RGS7BP: variants seen among roughly 807,000 people sequenced by gnomAD.
RGS7BP encodes the protein regulator of G protein signaling 7-binding protein.
In RGS7BP, 9 loss-of-function variants were observed where a neutral mutation model predicts 31.3. That is an observed-to-expected ratio of 0.29 (90% CI 0.17 to 0.50). The LOEUF is 0.50. Among genes scored for constraint, RGS7BP ranks in the 20% least tolerant of loss-of-function variants. The pLI is 0.98. For missense variants in RGS7BP, 274 were observed against 322.0 expected (o/e 0.85, Z 1.14); for synonymous variants, 115 against 120.1 (o/e 0.96, Z 0.28).
intron 2 of RGS7BP, among the ~76,000 whole-genome samples, chr5:64,542,406 T>C (rs1741549248): frequency 6.6e-6 from 1 of 152,236 alleles, no homozygotes; most frequent in African/African-American, 2.4e-5. Context: ...CAGTTTTATA[T>C]TCCTTCAGTT....
chr5:64,602,627 G>A (rs1364912742), intron 5 of RGS7BP, among the ~76,000 whole-genome samples: 1 of 152,110 alleles, frequency 6.6e-6, no homozygotes, highest in Non-Finnish European at 1.5e-5. Context: ...AATCACCTAG[G>A]AAACTTTTCC....
At chr5:64,540,037 T>G (rs1741486604) in intron 2 of RGS7BP, among the ~76,000 whole-genome samples, 1 of 152,130 alleles carries the variant, frequency 6.6e-6, no homozygotes, top group Admixed American at 6.5e-5. Context: ...TTAGAAAATT[T>G]TAAAAATTAA....
rs114412100 is a variant in RGS7BP at position 64,559,275 on chromosome 5, G to A, written c.333-16499G>A. On this transcript the variant is annotated intron_variant, in intron 2 of 5. Transcript: ENST00000334025. Reference sequence around the variant, plus strand: ...ACTCTTTCCCTTTATTTCTCAGAGCGGCCGACACTTATGGAAAATAGAAAA... The same window carrying A: ...ACTCTTTCCCTTTATTTCTCAGAGCAGCCGACACTTATGGAAAATAGAAAA... Among the ~76,000 whole-genome samples, 966 of 152,114 alleles carry A rather than the reference G, an allele frequency of 6.4e-3. 9 individuals are homozygous for A. Among genetic ancestry groups the A allele is most frequent in the African/African-American group, 0.019 (802 of 41,506 alleles).
chr5:64,568,045 T>C (rs1043905594), intron 2 of RGS7BP, among the ~76,000 whole-genome samples: 1 of 151,940 alleles, frequency 6.6e-6, no homozygotes, highest in Non-Finnish European at 1.5e-5. Flanking sequence ...TTCAAGTATA[T>C]GTAGCTCTCT....
intron 3 of RGS7BP, among the ~76,000 whole-genome samples, chr5:64,581,006 G>C (rs1742582785): frequency 6.6e-6 from 1 of 151,852 alleles, no homozygotes; most frequent in Non-Finnish European, 1.5e-5. Context: ...TTGAGCCCAG[G>C]AATTTGAGAC....
rs114860989 is a variant in RGS7BP at position 64,584,887 on chromosome 5, G to A, written c.463+8983G>A. Among the ~76,000 whole-genome samples the A allele has an allele frequency of 7.3e-3, 1,116 of 152,102 alleles. 9 individuals are homozygous for A. The highest frequency in any genetic ancestry group is 0.011 in the Non-Finnish European group (726 of 67,990). ...ACCTTTGAAACTGCTTTTTAATATGGGTAAATGACTAACTGAATTAATATA... is the reference window on the plus strand; with the variant it reads ...ACCTTTGAAACTGCTTTTTAATATGAGTAAATGACTAACTGAATTAATATA... On this transcript the variant is annotated intron_variant, in intron 3 of 5. Transcript: ENST00000334025.
Position 64,598,373 on chromosome 5 carries a change from G to C in RGS7BP, c.620G>C (p.Arg207Thr), listed in dbSNP as rs1277707091. The C allele has an allele frequency of 1.3e-6, 2 of 1,580,512 alleles. No homozygotes were observed. The highest frequency in any genetic ancestry group is 1.7e-6 in the Non-Finnish European group (2 of 1,149,690). Residue 207 changes from arginine to threonine, a missense_variant, in exon 5 of 6, where the codon AGA becomes ACA. Transcript: ENST00000334025. ...TTTTATCAATTTTACAGAGACATGA[G>C]AGAAATGAAAAACCTTTTAAGCAAA... ...TDIENTERDM[R>T]EMKNLLSKLR...
At chr5:64,569,508 G>C (rs1179239007) in intron 2 of RGS7BP, among the ~76,000 whole-genome samples, 2 of 151,920 alleles carry the variant, frequency 1.3e-5, no homozygotes, top group African/African-American at 4.8e-5. Context: ...TGTTCAGTAG[G>C]TATCTGGCAT....
At position 64,612,061 on chromosome 5, in the gene RGS7BP, C is replaced by T. The variant is rs974620077; in HGVS notation, c.*2809C>T. ...GGCATACATTCACCCATTTTCCCAC[C>T]ATATCTTTACTATCCTGTGTTGATT... On this transcript the variant is annotated 3_prime_UTR_variant, in exon 6 of 6. Transcript: ENST00000334025. The T allele has an allele frequency of 1.3e-5, 2 of 152,208 alleles. No individual in the cohort carries two copies. The highest frequency in any genetic ancestry group is 6.6e-5 in the Admixed American group (1 of 15,212). The allele number at this position is 152,208 out of a possible 1,614,324, so 9.4% of individuals were successfully genotyped here.
chr5:64,506,656 G>A lies in RGS7BP; in HGVS notation c.32G>A (p.Arg11His). Residue 11 changes from arginine (R) to histidine (H), a missense_variant, in exon 1 of 6, where the codon CGC becomes CAC. Physicochemically the swap from Arg to His is conservative, Grantham distance 29. Around this residue, in one of 3 missense-constraint regions of RGS7BP, gnomAD observed 149 missense variants for 152.6 expected, o/e 0.98. Transcript: ENST00000334025. The surrounding 1 kb of genome is among the most constrained non-coding windows in gnomAD (Gnocchi z 4.6). The part of the protein sequence containing the change: MSSAPNGRKK[R>H]PSRSTRSSIF... ...TCTGCACCGAATGGGCGCAAAAAGCGCCCCAGCCGGTCCACCCGCTCCTCG... is the reference window on the plus strand; with the variant it reads ...TCTGCACCGAATGGGCGCAAAAAGCACCCCAGCCGGTCCACCCGCTCCTCG... 2 of 1,583,160 alleles carry A rather than the reference G, an allele frequency of 1.3e-6. No homozygotes were observed. Among genetic ancestry groups the A allele is most frequent in the Non-Finnish European group, 8.6e-7 (1 of 1,167,696 alleles).
At chr5:64,533,917 C>T (rs1749439173) in intron 2 of RGS7BP, among the ~76,000 whole-genome samples, 1 of 152,176 alleles carries the variant, frequency 6.6e-6, no homozygotes, top group African/African-American at 2.4e-5. Flanking sequence ...ATGACTTACA[C>T]TTGTGAAATT....
At chr5:64,570,717 T>C (rs1742282815) in intron 2 of RGS7BP, among the ~76,000 whole-genome samples, 1 of 152,156 alleles carries the variant, frequency 6.6e-6, no homozygotes, top group South Asian at 2.1e-4. Context: ...ATTTATCCCA[T>C]GTAATTATTT....
intron 2 of RGS7BP, among the ~76,000 whole-genome samples, chr5:64,558,001 G>T (rs945240346): frequency 1.3e-5 from 2 of 152,036 alleles, no homozygotes; most frequent in African/African-American, 4.8e-5. Flanking sequence ...AAACCAAATA[G>T]GATTTGCAAT....
At chr5:64,531,190 A>G (rs1006147416) in intron 2 of RGS7BP, among the ~76,000 whole-genome samples, 20 of 152,352 alleles carry the variant, frequency 1.3e-4, no homozygotes, top group Admixed American at 1.2e-3. Context: ...GAGTCCCTCA[A>G]TAGGAAGAAG....
intron 2 of RGS7BP, among the ~76,000 whole-genome samples, chr5:64,532,341 C>G (rs1749393177): frequency 6.6e-6 from 1 of 151,406 alleles, no homozygotes; most frequent in Admixed American, 6.6e-5. Context: ...TGTATCAGCC[C>G]AGTGTCTGTT....
At chr5:64,534,686 A>T (rs1347528198) in intron 2 of RGS7BP, among the ~76,000 whole-genome samples, 1 of 152,204 alleles carries the variant, frequency 6.6e-6, no homozygotes, top group Admixed American at 6.5e-5. Context: ...GTGTTTGAAC[A>T]TAATAACTTG....
intron 2 of RGS7BP, among the ~76,000 whole-genome samples, chr5:64,572,860 C>T (rs1489499090): frequency 6.7e-6 from 1 of 150,140 alleles, no homozygotes; most frequent in Non-Finnish European, 1.5e-5. Flanking sequence ...GGTACATGTG[C>T]ATAATGTGCA....
intron 2 of RGS7BP, among the ~76,000 whole-genome samples, chr5:64,517,602 G>C (rs774646125): frequency 1.2e-4 from 19 of 152,268 alleles, no homozygotes; most frequent in Non-Finnish European, 2.6e-4. Flanking sequence ...TCACTCCTCT[G>C]CATGTCAAGG....
In RGS7BP at chr5:64,609,385, C is replaced by T. The variant is rs965228955; in HGVS notation, c.*133C>T. The stretch of plus-strand genomic sequence containing the variant: ...ATGCTTCCTTATTACTTTTATCTGC[C>T]TCCCCCTGCCCTTTTAAATGATTTT... On this transcript the variant is annotated 3_prime_UTR_variant, in exon 6 of 6. Coordinates refer to ENST00000334025, the MANE Select transcript of RGS7BP (RefSeq NM_001029875.3). 4.0e-5 allele frequency: 25 copies of T among 619,518 alleles called. No individual in the cohort carries two copies. Among genetic ancestry groups the T allele is most frequent in the Non-Finnish European group, 6.7e-5 (23 of 340,744 alleles). 38.4% of individuals were successfully genotyped at this position (619,518 alleles called of 1,614,324 possible). A position where few individuals can be genotyped will look rare whatever the true frequency, so the allele number is the denominator to read the frequency against.
Sources: allele counts gnomAD v4.1 joint callset (sites outside exome capture counted in the v4.1 genomes callset), GRCh38; gene constraint gnomAD v4.1.1; regional missense constraint gnomAD v4.1.1; non-coding constraint Gnocchi (gnomAD v3.1); transcripts MANE v1.5; gene names NCBI Gene and HGNC (gene_info 2026-07-23, HGNC 2026-07-21).